The following PDE12 variants were observed in gnomAD, a reference collection of about 807,000 sequenced individuals.
The protein encoded by PDE12 is phosphodiesterase 12, also known as 2',5'-phosphodiesterase 12.
A neutral mutation model predicts 45.4 loss-of-function variants in PDE12; 26 were observed. The ratio of observed to expected loss-of-function variants is 0.57; its 90% confidence interval spans 0.42 to 0.79. The LOEUF (loss-of-function observed/expected upper bound fraction) is 0.79, where lower values mean the gene tolerates loss of function less well. PDE12 is among the 30% of genes least tolerant of loss of function. PDE12 has a pLI of 0.00. For missense variants in PDE12, 668 were observed against 790.0 expected, an observed-to-expected ratio of 0.85 and a Z score of 1.85; for synonymous variants, 283 against 323.9, an observed-to-expected ratio of 0.87 and a Z score of 1.36.
At chr3:57,569,687 C>T (rs912483751), downstream of PDE12, among the ~76,000 whole-genome samples, 18 of 151,794 alleles carry the variant, frequency 1.2e-4, no homozygotes, top group African/African-American at 4.4e-4. Context: ...TAAAAATTAC[C>T]TGGGCATGGT....
the PDE12 span, among the ~76,000 whole-genome samples, chr3:57,612,470 T>G: frequency 1.3e-5 from 2 of 152,080 alleles, no homozygotes; most frequent in African/African-American, 2.4e-5. Context: ...TCAAAAGAGA[T>G]AAAGTGAAAC....
At chr3:57,643,006 C>CAAA in the PDE12 span, among the ~76,000 whole-genome samples, 4 of 104,544 alleles carry the variant, frequency 3.8e-5, no homozygotes, top group Admixed American at 9.7e-5. Context: ...GACTTCATCT[C>CAAA]AAAAAAAAAA....
At chr3:57,620,666 C>T in the PDE12 span, among the ~76,000 whole-genome samples, 3 of 151,736 alleles carry the variant, frequency 2.0e-5, no homozygotes, top group Admixed American at 6.6e-5. Context: ...CTATATGGAC[C>T]GTACTACTAT....
chr3:57,584,242 C>T, the PDE12 span: 1 of 870,706 alleles, frequency 1.1e-6, no homozygotes, highest in South Asian at 1.7e-5. Context: ...GGATTACAGG[C>T]ATGAGCCACC....
the PDE12 span, among the ~76,000 whole-genome samples, chr3:57,648,174 A>C: frequency 6.6e-6 from 1 of 152,228 alleles, no homozygotes; most frequent in Non-Finnish European, 1.5e-5. Context: ...TCCGAATACA[A>C]AATTAATGTA....
the PDE12 span, chr3:57,627,910 A>G: frequency 4.4e-6 from 1 of 224,992 alleles, no homozygotes; most frequent in Non-Finnish European, 8.8e-6. Context: ...CCAGCACTGC[A>G]GTATGAAATC....
chr3:57,568,739 T>C (rs2069808859), downstream of PDE12, among the ~76,000 whole-genome samples: 1 of 150,752 alleles, frequency 6.6e-6, no homozygotes, highest in Admixed American at 6.6e-5. Context: ...ATGGAGGGTA[T>C]ATAAGGTAAG....
At chr3:57,578,382 C>T in the PDE12 span, among the ~76,000 whole-genome samples, 2 of 151,236 alleles carry the variant, frequency 1.3e-5, no homozygotes, top group African/African-American at 4.9e-5. Flanking sequence ...TGTCAAAACC[C>T]TATCTCTTAA....
the PDE12 span, among the ~76,000 whole-genome samples, chr3:57,604,601 CTT>C: frequency 0.099 from 4,345 of 44,062 alleles, 224 homozygotes; most frequent in Middle Eastern, 0.17. Flanking sequence ...CTTTTTCTTT[CTT>C]TTTTTTTTTT....
the PDE12 span, among the ~76,000 whole-genome samples, chr3:57,624,815 GGAA>G: frequency 6.6e-6 from 1 of 152,002 alleles, no homozygotes; most frequent in Admixed American, 6.6e-5. Context: ...AAAAAGAAGA[GGAA>G]GAAGTAAAAA....
At position 57,559,293 on chromosome 3, in the gene PDE12, C is replaced by T. The variant is rs1343662545; in HGVS notation, c.1309-17C>T. 59 of 1,583,458 alleles carry T rather than the reference C, an allele frequency of 3.7e-5. No individual in the cohort carries two copies. The highest frequency in any genetic ancestry group is 5.0e-5 in the Non-Finnish European group (58 of 1,160,308). ...GCAAATGCCAACTGAACTCTTGGCACTTTCCGTTTATTTTAGGTTTCAGTT... is the reference window on the plus strand; with the variant it reads ...GCAAATGCCAACTGAACTCTTGGCATTTTCCGTTTATTTTAGGTTTCAGTT... On this transcript the variant is annotated splice_polypyrimidine_tract_variant and intron_variant, in intron 1 of 2. Transcript: ENST00000311180.
At chr3:57,625,419 C>T in the PDE12 span, 1 of 152,508 alleles carries the variant, frequency 6.6e-6, no homozygotes, top group Non-Finnish European at 1.5e-5. Flanking sequence ...TCCAAGCAGT[C>T]CAACCCCATT....
the PDE12 span, among the ~76,000 whole-genome samples, chr3:57,583,379 C>G: frequency 1.4e-4 from 22 of 152,276 alleles, no homozygotes; most frequent in Middle Eastern, 6.8e-3. Context: ...GTGCCACCCC[C>G]AAATTTGAGA....
chr3:57,628,214 T>C, the PDE12 span: 1 of 1,611,238 alleles, frequency 6.2e-7, no homozygotes, highest in Non-Finnish European at 8.5e-7. Flanking sequence ...TTGGCAAATA[T>C]CATGTCATGC....
the PDE12 span, among the ~76,000 whole-genome samples, chr3:57,644,480 A>AT: frequency 3.3e-5 from 5 of 149,674 alleles, no homozygotes; most frequent in East Asian, 2.0e-4. Context: ...TAATTTTTGT[A>AT]TTTTTTTTGT....
the PDE12 span, among the ~76,000 whole-genome samples, chr3:57,595,436 T>C: frequency 6.6e-6 from 1 of 152,198 alleles, no homozygotes; most frequent in Admixed American, 6.6e-5. Flanking sequence ...TTAAATATGC[T>C]TGCCCTCCTA....
the PDE12 span, among the ~76,000 whole-genome samples, chr3:57,634,971 A>G: frequency 6.6e-6 from 1 of 152,190 alleles, no homozygotes; most frequent in Non-Finnish European, 1.5e-5. Context: ...AACAGTACAG[A>G]AATAATTCAT....
At chr3:57,602,911 T>G in the PDE12 span, among the ~76,000 whole-genome samples, 1 of 152,016 alleles carries the variant, frequency 6.6e-6, no homozygotes, top group East Asian at 1.9e-4. Context: ...TTAGGCCAGG[T>G]GCAGTGGCTC....
the PDE12 span, among the ~76,000 whole-genome samples, chr3:57,649,922 T>TATAC: frequency 2.0e-5 from 3 of 148,414 alleles, no homozygotes; most frequent in African/African-American, 7.5e-5. Context: ...TGTATATATA[T>TATAC]ACACACACAC....
Sources: gnomAD v4.1 joint callset for allele counts (sites outside exome capture counted in the v4.1 genomes callset) on GRCh38, gnomAD v4.1.1 for gene constraint, MANE v1.5 for transcripts, NCBI Gene and HGNC (gene_info 2026-07-23, HGNC 2026-07-21) for gene names.